ARMH3: variants seen among roughly 807,000 people sequenced by gnomAD.
ARMH3 encodes armadillo-like helical domain-containing protein 3.
Under a neutral mutation model 99.1 loss-of-function variants are expected in ARMH3, and 60 were observed. The ratio of observed to expected loss-of-function variants is 0.61; its 90% CI spans 0.49 to 0.75. The LOEUF is 0.75. ARMH3 is among the 30% of genes least tolerant of loss of function. ARMH3 has a pLI of 0.00. For synonymous variants in ARMH3, 285 were observed against 292.8 expected (o/e 0.97, Z 0.27); for missense variants, 679 against 843.1 (o/e 0.81, Z 2.41).
intron 20 of ARMH3, among the ~76,000 whole-genome samples, chr10:101,972,791 A>G (rs1845828810): frequency 6.6e-6 from 1 of 152,244 alleles, no homozygotes; most frequent in Admixed American, 6.5e-5. Context: ...AGAGAACTCC[A>G]GTACAAATGT....
intron 16 of ARMH3, 38 bp downstream of exon 16, chr10:101,995,259 A>G (rs1342941370): frequency 1.3e-6 from 2 of 1,571,368 alleles, no homozygotes; most frequent in Non-Finnish European, 1.7e-6. Flanking sequence ...AGCACTTTGT[A>G]AAAGACTGCC....
intron 22 of ARMH3, among the ~76,000 whole-genome samples, chr10:101,946,332 A>G (rs1442754747): frequency 6.6e-6 from 1 of 152,136 alleles, no homozygotes; most frequent in Admixed American, 6.5e-5. Flanking sequence ...CTGAAGCCAT[A>G]ACAAAGAACC....
intron 24 of ARMH3, among the ~76,000 whole-genome samples, chr10:101,851,155 C>T (rs1374680290): frequency 2.0e-5 from 3 of 152,200 alleles, no homozygotes; most frequent in Middle Eastern, 3.2e-3. Flanking sequence ...TCTCCCACAA[C>T]ATCTCTCTGA....
chr10:101,963,069 A>G (rs904112361), intron 20 of ARMH3, among the ~76,000 whole-genome samples: 2 of 151,172 alleles, frequency 1.3e-5, no homozygotes, highest in East Asian at 3.9e-4. Flanking sequence ...TCCCGGGTTC[A>G]AGAGATTCTC....
At chr10:101,880,944 A>C (rs61873591) in intron 24 of ARMH3, among the ~76,000 whole-genome samples, 3,820 of 152,308 alleles carry the variant, frequency 0.025, 86 homozygotes, top group Non-Finnish European at 0.037. Context: ...GTTATTTATA[A>C]TGACTCTTAG....
At chr10:101,978,343 T>A (rs1433929678) in intron 19 of ARMH3, among the ~76,000 whole-genome samples, 22 of 152,130 alleles carry the variant, frequency 1.4e-4, no homozygotes, top group Admixed American at 1.4e-3. Context: ...GGCTCTCACA[T>A]CACAGAGGGA....
intron 8 of ARMH3, among the ~76,000 whole-genome samples, chr10:102,022,862 G>A (rs1303583500): frequency 6.6e-6 from 1 of 150,714 alleles, no homozygotes; most frequent in African/African-American, 2.4e-5. Context: ...TTACAGGCGT[G>A]AGCCACCGTG....
At chr10:101,941,011 C>T (rs573233290) in intron 22 of ARMH3, among the ~76,000 whole-genome samples, 119 of 152,264 alleles carry the variant, frequency 7.8e-4, no homozygotes, top group Non-Finnish European at 1.6e-3. Flanking sequence ...ATGTGCCAGG[C>T]ACTGGACCAA....
In ARMH3 at chr10:101,847,479, T is replaced by C. The variant is rs2066487951; in HGVS notation, c.*49A>G. On this transcript the variant is annotated 3_prime_UTR_variant, in exon 26 of 26. Transcript: ENST00000370033. The stretch of plus-strand genomic sequence containing the variant: ...CTCCCCTCGCTCCCCCTCCAGCCCA[T>C]GATCCTCATGGGTAAGGGCAGTCAG... The C allele has an allele frequency of 2.5e-6, 4 of 1,576,420 alleles. No homozygotes were observed. Among genetic ancestry groups the C allele is most frequent in the Non-Finnish European group, 3.5e-6 (4 of 1,146,156 alleles).
At chr10:102,024,707 T>C (rs866815432) in intron 6 of ARMH3, among the ~76,000 whole-genome samples, 6 of 150,982 alleles carry the variant, frequency 4.0e-5, no homozygotes, top group Non-Finnish European at 7.4e-5. Context: ...TAATCCCAGC[T>C]ACTTGGGAGG....
At chr10:101,927,883 G>C (rs1215398672) in intron 23 of ARMH3, among the ~76,000 whole-genome samples, 1 of 152,144 alleles carries the variant, frequency 6.6e-6, no homozygotes, top group African/African-American at 2.4e-5. Flanking sequence ...GACCAGCCTG[G>C]CCAACATAGT....
intron 23 of ARMH3, among the ~76,000 whole-genome samples, chr10:101,897,587 T>C (rs1489420740): frequency 6.6e-6 from 1 of 152,130 alleles, no homozygotes; most frequent in Non-Finnish European, 1.5e-5. Flanking sequence ...GCCTAGGTTT[T>C]GTTTGTGTGT....
intron 19 of ARMH3, among the ~76,000 whole-genome samples, chr10:101,986,240 G>C (rs1002958738): frequency 6.6e-6 from 1 of 152,070 alleles, no homozygotes; most frequent in Non-Finnish European, 1.5e-5. Flanking sequence ...CTACCTACAG[G>C]TTTGGAAATA....
At chr10:101,877,228 G>A (rs545004487) in intron 24 of ARMH3, among the ~76,000 whole-genome samples, 7 of 152,198 alleles carry the variant, frequency 4.6e-5, no homozygotes, top group East Asian at 3.9e-4. Flanking sequence ...GCTTGAGTCC[G>A]GGAGCTCGAG....
intron 20 of ARMH3, among the ~76,000 whole-genome samples, chr10:101,973,100 T>C (rs899993068): frequency 6.6e-6 from 1 of 152,068 alleles, no homozygotes; most frequent in Admixed American, 6.5e-5. Context: ...GTGACTCACG[T>C]CTGTAATCCT....
chr10:101,990,619 G>A lies in ARMH3; in HGVS notation c.1346-8C>T. The A allele has an allele frequency of 3.8e-6, 6 of 1,599,368 alleles. No individual in the cohort carries two copies. The highest frequency in any genetic ancestry group is 5.1e-6 in the Non-Finnish European group (6 of 1,169,422). ...TAAACTCTACCATCAGGTCTGAAAG[G>A]GGAATAGAGAAAAACTGGATCAATT... On this transcript the variant is annotated splice_polypyrimidine_tract_variant and splice_region_variant and intron_variant, in intron 18 of 25. Transcript: ENST00000370033.
intron 14 of ARMH3, among the ~76,000 whole-genome samples, chr10:102,003,902 T>C (rs781174237): frequency 1.3e-5 from 2 of 152,194 alleles, no homozygotes; most frequent in Non-Finnish European, 2.9e-5. Flanking sequence ...AAGGTTTTAA[T>C]TCATGTTATG....
rs1196412447 is a variant in ARMH3, at chr10:102,011,924, T to C, written c.771-141A>G. On this transcript the variant is annotated intron_variant, in intron 10 of 25. Coordinates refer to ENST00000370033, the MANE Select transcript of ARMH3 (RefSeq NM_024541.3). ...AAAGCATTATGACAATCAAGCATCA[T>C]GACAATCCCTGCAAGCTAAGAGTCA... 4.8e-6 allele frequency: 3 copies of C among 627,864 alleles called. No individual in the cohort carries two copies. The Admixed American group carries it at 9.8e-5, about 20-fold the overall frequency. 38.9% of individuals were successfully genotyped at this position (627,864 alleles called of 1,614,324 possible). A position where few individuals can be genotyped will look rare whatever the true frequency, so the allele number is the denominator to read the frequency against.
intron 8 of ARMH3, among the ~76,000 whole-genome samples, chr10:102,021,882 G>A (rs1408395911): frequency 6.6e-6 from 1 of 151,904 alleles, no homozygotes; most frequent in Admixed American, 6.6e-5. Flanking sequence ...TGTAGAGACT[G>A]TCTTACTATT....
Sources: allele counts gnomAD v4.1 joint callset (sites outside exome capture counted in the v4.1 genomes callset), GRCh38; gene constraint gnomAD v4.1.1; transcripts MANE v1.5; gene names NCBI Gene and HGNC (gene_info 2026-07-23, HGNC 2026-07-21).